The following MSANTD2 variants were observed in gnomAD, a reference collection of about 807,000 sequenced individuals.
The protein encoded by MSANTD2 is myb/SANT-like DNA-binding domain-containing protein 2.
Under a neutral mutation model 52.6 loss-of-function variants are expected in MSANTD2, and 19 were observed. The ratio of observed to expected loss-of-function variants is 0.36; its 90% CI spans 0.25 to 0.53. MSANTD2 has a LOEUF of 0.53. Ranked by LOEUF, MSANTD2 falls within the 20% of genes least tolerant of loss-of-function variation. The pLI, the probability that MSANTD2 is intolerant of heterozygous loss-of-function variation, is 0.91. For missense variants in MSANTD2, 558 were observed against 716.3 expected, an observed-to-expected ratio of 0.78 and a Z score of 2.52; for synonymous variants, 291 against 289.7, an observed-to-expected ratio of 1.00 and a Z score of -0.04.
At chr11:124,781,809 C>G (rs1019403174) in intron 1 of MSANTD2, among the ~76,000 whole-genome samples, 1 of 152,060 alleles carries the variant, frequency 6.6e-6, no homozygotes, top group South Asian at 2.1e-4. Flanking sequence ...CCCACCACCA[C>G]GCTCGGCTAA....
At chr11:124,791,819 G>C (rs1023069563) in intron 1 of MSANTD2, 3 of 515,250 alleles carry the variant, frequency 5.8e-6, no homozygotes, top group African/African-American at 3.9e-5. Context: ...GGCAGGTATT[G>C]TGTTAGGTGC....
rs1378870544 is a variant in MSANTD2 at position 124,779,485 on chromosome 11, T to C, written c.511-4511A>G. ...AAAATATTCACCAGGACAAAAACAC[T>C]GTTCTAGCTAACTGACCATACATGG... On this transcript the variant is annotated intron_variant, in intron 1 of 3. Coordinates refer to ENST00000374979, the MANE Select transcript of MSANTD2 (RefSeq NM_001308027.2). The surrounding 1 kb of genome is among the most constrained non-coding windows in gnomAD (Gnocchi z 4.6). 6.6e-6 allele frequency among the ~76,000 whole-genome samples: 1 copy of C among 152,218 alleles called. No homozygotes were observed. Among genetic ancestry groups the C allele is most frequent in the Non-Finnish European group, 1.5e-5 (1 of 68,038 alleles).
chr11:124,787,367 GAAT>G (rs1464801573), intron 1 of MSANTD2, among the ~76,000 whole-genome samples: 5 of 152,120 alleles, frequency 3.3e-5, no homozygotes, highest in Non-Finnish European at 5.9e-5. Flanking sequence ...ATCATTAAAC[GAAT>G]GCCAACTTGA....
rs557941445 is a variant in MSANTD2, at chr11:124,779,789, C to T, written c.511-4815G>A. On this transcript the variant is annotated intron_variant, in intron 1 of 3. Transcript: ENST00000374979. The surrounding 1 kb of genome is among the most constrained non-coding windows in gnomAD (Gnocchi z 4.6). ...AGTACACATGATAAATTTGAGATTC[C>T]TTTTACCCAAATGATTAAAGAGCAC... 8.5e-5 allele frequency among the ~76,000 whole-genome samples: 13 copies of T among 152,124 alleles called. No homozygotes were observed. Among genetic ancestry groups the T allele is most frequent in the Non-Finnish European group, 1.5e-4 (10 of 68,032 alleles).
chr11:124,783,673 T>C (rs978517360), intron 1 of MSANTD2: 20 of 939,468 alleles, frequency 2.1e-5, no homozygotes, highest in Non-Finnish European at 2.5e-5. Flanking sequence ...TAAAAAAATA[T>C]AAAATTCAGG....
In MSANTD2 at chr11:124,782,476, CG is replaced by C. The variant is rs774984919; in HGVS notation, c.511-7503del. ...TCTAAAAAAAATAAAAATAGAAAAA[CG>C]TAATACAAGTTCTGAACATAAAAGA... On this transcript the variant is annotated intron_variant, in intron 1 of 3. Coordinates refer to ENST00000374979, the MANE Select transcript of MSANTD2 (RefSeq NM_001308027.2). Among the ~76,000 whole-genome samples the C allele has an allele frequency of 5.9e-4, 89 of 151,944 alleles. 2 individuals are homozygous for C. Among genetic ancestry groups the C allele is most frequent in the Admixed American group, 1.4e-3 (21 of 15,236 alleles).
chr11:124,795,153 A>G (rs1450379372), intron 1 of MSANTD2, among the ~76,000 whole-genome samples: 1 of 152,164 alleles, frequency 6.6e-6, no homozygotes, highest in African/African-American at 2.4e-5. Flanking sequence ...TATTGCGATT[A>G]CAGGCATGAA....
rs766580131 is a variant in MSANTD2 at position 124,799,845 on chromosome 11, C to G, written c.510+26G>C. The G allele has an allele frequency of 3.2e-6, 5 of 1,544,442 alleles. No individual in the cohort carries two copies. The Admixed American group carries it at 8.7e-5, about 27-fold the overall frequency. On this transcript the variant is annotated intron_variant, in intron 1 of 3. Transcript: ENST00000374979. ...CCGCCTTCTCTCTGCCTCTGGTTCG[C>G]TGCCCCAGGCCGGGCGGCCGGTTAC...
rs934478029 is a variant in MSANTD2 at position 124,774,242 on chromosome 11, C to T, written c.766+477G>A. Among the ~76,000 whole-genome samples, 1 of 152,132 alleles carries T rather than the reference C, an allele frequency of 6.6e-6. No homozygotes were observed. Among genetic ancestry groups the T allele is most frequent in the Non-Finnish European group, 1.5e-5 (1 of 68,036 alleles). On this transcript the variant is annotated intron_variant, in intron 2 of 3. Transcript: ENST00000374979. This position sits in a 1 kb window ranked among gnomAD's most constrained non-coding sequence, Gnocchi z 5.1. ...GTTCAGGCTCAAGTCTGAGAGAAGACCTTTTCCAAATCATAAACAGAAAAG... is the reference window on the plus strand; with the variant it reads ...GTTCAGGCTCAAGTCTGAGAGAAGATCTTTTCCAAATCATAAACAGAAAAG...
In MSANTD2 at chr11:124,767,671, T is replaced by A. The variant is rs1944351422; in HGVS notation, c.1185A>T (p.Ile395=). 6.2e-7 allele frequency: 1 copy of A among 1,614,204 alleles called. No individual in the cohort carries two copies. Among genetic ancestry groups the A allele is most frequent in the Admixed American group, 1.7e-5 (1 of 60,026 alleles). The part of the protein sequence containing the change: ...CLELHMEIDW[I]PIAHSKPTGG... ...CAGTTGGTTTGGAGTGGGCAATGGG[T>A]ATCCAGTCAATTTCCATGTGCAGCT... Residue 395 remains isoleucine (I), a synonymous_variant, in exon 4 of 4, where the codon ATA becomes ATT. Coordinates refer to ENST00000374979, the MANE Select transcript of MSANTD2 (RefSeq NM_001308027.2). The surrounding 1 kb of genome is among the most constrained non-coding windows in gnomAD (Gnocchi z 6.5).
intron 1 of MSANTD2, among the ~76,000 whole-genome samples, chr11:124,781,852 T>A (rs1565459457): frequency 6.6e-6 from 1 of 151,882 alleles, no homozygotes; most frequent in Admixed American, 6.6e-5. Context: ...GGGGTTTCAC[T>A]ATGTTGGCCA....
chr11:124,782,610 C>T (rs972371857), intron 1 of MSANTD2, among the ~76,000 whole-genome samples: 4 of 152,074 alleles, frequency 2.6e-5, no homozygotes, highest in Non-Finnish European at 4.4e-5. Context: ...TTATCAAATG[C>T]CACTTAAGAA....
intron 1 of MSANTD2, chr11:124,791,638 G>C: frequency 6.8e-7 from 1 of 1,477,952 alleles, no homozygotes; most frequent in East Asian, 2.3e-5. Flanking sequence ...CATCCTTCCA[G>C]ACTTTCTTTG....
At chr11:124,770,763 G>A (rs1398589627) in intron 3 of MSANTD2, among the ~76,000 whole-genome samples, 6 of 147,364 alleles carry the variant, frequency 4.1e-5, no homozygotes, top group African/African-American at 1.5e-4. Context: ...GTGCCACCAC[G>A]CCCAGCTAAT....
At chr11:124,785,750 A>G (rs1945138690) in intron 1 of MSANTD2, among the ~76,000 whole-genome samples, 1 of 151,744 alleles carries the variant, frequency 6.6e-6, no homozygotes, top group African/African-American at 2.4e-5. Flanking sequence ...TGTTATATAT[A>G]TATTAAGATA....
In MSANTD2 at chr11:124,767,451, G is replaced by A. The variant is rs1405259339; in HGVS notation, c.1405C>T (p.Pro469Ser). 1 of 1,614,084 alleles carries A rather than the reference G, an allele frequency of 6.2e-7. No individual in the cohort carries two copies. Among genetic ancestry groups the A allele is most frequent in the East Asian group, 2.2e-5 (1 of 44,888 alleles). The change falls in exon 4 of 4, where the codon CCC (proline) becomes TCC (serine). Residue 469 changes from proline (P) to serine (S), a missense_variant. Coordinates refer to ENST00000374979, the MANE Select transcript of MSANTD2 (RefSeq NM_001308027.2). The surrounding 1 kb of genome is among the most constrained non-coding windows in gnomAD (Gnocchi z 6.5). ...AGGTAGCAATAGATAATTCGGGTGGGTTCTATTTCCACCTGTAATGAGGCT... is the reference window on the plus strand; with the variant it reads ...AGGTAGCAATAGATAATTCGGGTGGATTCTATTTCCACCTGTAATGAGGCT... ...AQASLQVEIE[P>S]TRIIYCYLGI...
chr11:124,789,973 A>AAAT (rs759660754), intron 1 of MSANTD2: 1 of 152,262 alleles, frequency 6.6e-6, no homozygotes, highest in Non-Finnish European at 1.5e-5. Flanking sequence ...TAATTGTTTT[A>AAAT]AAGAGTTCTT....
intron 1 of MSANTD2, among the ~76,000 whole-genome samples, chr11:124,795,566 C>T (rs759767380): frequency 1.3e-4 from 20 of 152,298 alleles, no homozygotes; most frequent in Admixed American, 3.9e-4. Flanking sequence ...AATCAAGTAC[C>T]GCCTTGCATT....
At chr11:124,786,830 A>G (rs1323829469) in intron 1 of MSANTD2, among the ~76,000 whole-genome samples, 1 of 152,202 alleles carries the variant, frequency 6.6e-6, no homozygotes, top group African/African-American at 2.4e-5. Flanking sequence ...ATGAATGTTG[A>G]TAATCACGTC....
Sources: gnomAD v4.1 joint callset for allele counts (sites outside exome capture counted in the v4.1 genomes callset) on GRCh38, gnomAD v4.1.1 for gene constraint, Gnocchi (gnomAD v3.1) non-coding constraint, MANE v1.5 for transcripts, NCBI Gene and HGNC (gene_info 2026-07-23, HGNC 2026-07-21) for gene names.